IDH3G: variants seen among roughly 807,000 people sequenced by gnomAD.
IDH3G encodes the protein isocitrate dehydrogenase (NAD(+)) 3 non-catalytic subunit gamma, also known as isocitrate dehydrogenase [NAD] subunit gamma, mitochondrial.
Under a neutral mutation model 26.9 loss-of-function variants are expected in IDH3G, and 9 were observed. The observed-to-expected ratio is 0.34, with a 90% confidence interval of 0.20 to 0.58. The LOEUF (loss-of-function observed/expected upper bound fraction) is 0.58, where lower values mean the gene tolerates loss of function less well. Among genes scored for constraint, IDH3G ranks in the 20% least tolerant of loss-of-function variants. The pLI is 0.85. For missense variants in IDH3G, 250 were observed against 372.8 expected, an observed-to-expected ratio of 0.67 and a Z score of 2.71; for synonymous variants, 181 against 160.0, an observed-to-expected ratio of 1.13 and a Z score of -0.99.
chrX:153,786,854 G>T lies in IDH3G; in HGVS notation c.871C>A (p.Pro291Thr). ...NNVCAGLVGG[P>T]GLVAGANYGH... is the part of the protein sequence containing the mutation. ...TAGTTGGCCCCAGCCACAAGGCCTG[G>T]GCCCCCGACCAGTCCCGCGCAGACA... is the stretch of plus-strand genomic sequence containing the variant. Residue 291 changes from proline (P) to threonine (T), a missense_variant, in exon 10 of 13, where the codon CCA (proline) becomes ACA (threonine). Physicochemically the swap from Pro to Thr is conservative, Grantham distance 38. Transcript: ENST00000217901. 4 of 1,210,749 alleles carry T rather than the reference G, an allele frequency of 3.3e-6. No homozygotes were observed. Among genetic ancestry groups the T allele is most frequent in the Non-Finnish European group, 4.5e-6 (4 of 894,703 alleles).
Position 153,794,214 on chromosome X carries a change from T to G in IDH3G, c.81+32A>C, listed in dbSNP as rs1186203675. On this transcript the variant is annotated intron_variant, in intron 1 of 12. Coordinates refer to ENST00000217901, the MANE Select transcript of IDH3G (RefSeq NM_004135.4). Reference sequence around the variant, plus strand: ...TACCCCACCGCTCCCCTGCGACCGCTGCCGCGGTCCCGTGGCTCTTTCCCT... The same window carrying G: ...TACCCCACCGCTCCCCTGCGACCGCGGCCGCGGTCCCGTGGCTCTTTCCCT... 6.0e-6 allele frequency: 7 copies of G among 1,157,809 alleles called. No homozygotes were observed. The African/African-American group carries it at 1.2e-4, about 21-fold the overall frequency.
In IDH3G at chrX:153,790,149, A is replaced by C. The variant is rs782032216; in HGVS notation, c.233+46T>G. The C allele has an allele frequency of 4.7e-6, 5 of 1,067,226 alleles. No homozygotes were observed. In the East Asian group the frequency reaches 1.5e-4, roughly 32 times the overall value. 88.0% of individuals were successfully genotyped at this position (1,067,226 alleles called of 1,213,427 possible). A position where few individuals can be genotyped will look rare whatever the true frequency, so the allele number is the denominator to read the frequency against. ...ATGCCCCTCTTGGCACAAAGTCCTC[A>C]GGGCCCCCTGGCTGAGGACAAGGCG... On this transcript the variant is annotated intron_variant, in intron 4 of 12. Transcript: ENST00000217901.
In IDH3G at chrX:153,786,265, A is replaced by T. The variant is rs781793109; in HGVS notation, c.1027T>A (p.Ser343Thr). The T allele has an allele frequency of 1.7e-6, 2 of 1,204,492 alleles. No homozygotes were observed. Among genetic ancestry groups the T allele is most frequent in the South Asian group, 1.8e-5 (1 of 56,056 alleles). ...CMMLDHLKLH[S>T]YATSIRKAVL... ...GCCTTACGGATGGAGGTGGCATAGG[A>T]GTGCAGCCTAGAGGATGGGACAGCC... The change falls in exon 12 of 13, where the codon TCC becomes ACC. Residue 343 changes from serine to threonine, a missense_variant. By Grantham distance (58) the Ser-to-Thr change is moderately conservative. Around this residue, in one of 2 missense-constraint regions of IDH3G, gnomAD observed 201 missense variants for 331.3 expected, o/e 0.61. Transcript: ENST00000217901.
At chrX:153,789,551 A>G (rs1557069944) in intron 5 of IDH3G, among the ~76,000 whole-genome samples, 161 bp downstream of exon 5, 1 of 113,019 alleles carries the variant, frequency 8.8e-6, no homozygotes, top group Non-Finnish European at 1.9e-5. Flanking sequence ...CTCAGAAAGA[A>G]CGCAAGAAAG....
chrX:153,790,616 GT>G, intron 2 of IDH3G, 41 bp from the exon 3 acceptor site: 1 of 1,193,388 alleles, frequency 8.4e-7, no homozygotes, highest in Non-Finnish European at 1.1e-6. Flanking sequence ...ATCAGCCAAG[GT>G]TCCAAGAGCA....
chrX:153,791,208 T>C (rs1197183906), intron 1 of IDH3G: 2 of 230,256 alleles, frequency 8.7e-6, no homozygotes, highest in Non-Finnish European at 1.6e-5. Flanking sequence ...CTAACCCTGG[T>C]ACAGCAGGGA....
chrX:153,787,760 T>C (rs2092094873), intron 7 of IDH3G, 63 bp downstream of exon 7: 17 of 1,160,778 alleles, frequency 1.5e-5, no homozygotes, highest in Non-Finnish European at 1.9e-5. Context: ...CTGTCCCTGG[T>C]TCCTTAAGCT....
At chrX:153,793,537 G>A (rs1367158802) in intron 1 of IDH3G, 1 of 112,204 alleles carries the variant, frequency 8.9e-6, no homozygotes, top group Non-Finnish European at 1.9e-5. Context: ...GCTCAGTGTG[G>A]GAGCATGGCC....
rs782274797 is a variant in IDH3G at position 153,785,904 on chromosome X, G to A, written c.1150C>T (p.Arg384Cys). Reference protein sequence around the residue: ...EAIQDVIRHIRVINGRAVEA With the variant: ...EAIQDVIRHICVINGRAVEA ...TCCACGGCCCGGCCGTTGATGACGC[G>A]GATGTGGCGGATGACGTCCTGGATG... is the stretch of plus-strand genomic sequence containing the variant. The change falls in exon 13 of 13, where the codon CGC (arginine) becomes TGC (cysteine). Residue 384 changes from arginine (R) to cysteine (C), a missense_variant. Coordinates refer to ENST00000217901, the MANE Select transcript of IDH3G (RefSeq NM_004135.4). The A allele has an allele frequency of 9.9e-6, 12 of 1,209,926 alleles. No individual in the cohort carries two copies. Among genetic ancestry groups the A allele is most frequent in the South Asian group, 3.5e-5 (2 of 56,915 alleles).
At chrX:153,793,638 C>T (rs1220246729) in intron 1 of IDH3G, 2 of 112,061 alleles carry the variant, frequency 1.8e-5, no homozygotes, top group African/African-American at 3.3e-5. Flanking sequence ...AAATTAACCT[C>T]TTCTTAAATA....
chrX:153,790,543 C>G (rs782203483), intron 3 of IDH3G, 21 bp downstream of exon 3: 2 of 1,199,818 alleles, frequency 1.7e-6, no homozygotes, highest in East Asian at 3.0e-5. Context: ...CCAAACCTAA[C>G]AGGCAGAGAA....
At chrX:153,788,904 G>C (rs2092098990) in intron 5 of IDH3G, among the ~76,000 whole-genome samples, 1 of 112,860 alleles carries the variant, frequency 8.9e-6, no homozygotes, top group Non-Finnish European at 1.9e-5. Context: ...ATCCCTGCCT[G>C]GGCTGTGCCA....
At position 153,786,435 on chromosome X, in the gene IDH3G, G is replaced by A. The variant is rs373358098; in HGVS notation, c.939C>T (p.Thr313=). The change falls in exon 11 of 13, where the codon ACC becomes ACT. Residue 313 remains threonine (T), a synonymous_variant. Coordinates refer to ENST00000217901, the MANE Select transcript of IDH3G (RefSeq NM_004135.4). The part of the protein sequence containing the change: ...YAVFETATRN[T]GKSIANKNIA... ...TGTTCTTATTGGCGATACTCTTGCC[G>A]GTGTTCCTCGTAGCCTGGGGAGGCA... 19 of 1,187,036 alleles carry A rather than the reference G, an allele frequency of 1.6e-5. No individual in the cohort carries two copies. The highest frequency in any genetic ancestry group is 1.4e-4 in the Admixed American group (6 of 42,338).
intron 1 of IDH3G, chrX:153,793,554 T>C (rs1287208637): frequency 1.8e-5 from 2 of 111,401 alleles, no homozygotes; most frequent in African/African-American, 6.5e-5. Context: ...GGCCTAGAGG[T>C]CAAACCTCTT....
At position 153,794,238 on chromosome X, in the gene IDH3G, C is replaced by G. The variant is rs782220175; in HGVS notation, c.81+8G>C. On this transcript the variant is annotated splice_region_variant and intron_variant, in intron 1 of 12. Transcript: ENST00000217901. Reference sequence around the variant, plus strand: ...CTGCCGCGGTCCCGTGGCTCTTTCCCTGCTCACCTCCCAGGGACGGCAGAG... The same window carrying G: ...CTGCCGCGGTCCCGTGGCTCTTTCCGTGCTCACCTCCCAGGGACGGCAGAG... 3 of 1,184,495 alleles carry G rather than the reference C, an allele frequency of 2.5e-6. No homozygotes were observed. The highest frequency in any genetic ancestry group is 3.4e-6 in the Non-Finnish European group (3 of 881,547).
Position 153,786,451 on chromosome X carries a change from TG to T in IDH3G, c.925-3del. The T allele has an allele frequency of 1.7e-6, 2 of 1,170,123 alleles. No homozygotes were observed. The highest frequency in any genetic ancestry group is 2.3e-6 in the Non-Finnish European group (2 of 869,336). Reference sequence around the variant, plus strand: ...ACTCTTGCCGGTGTTCCTCGTAGCCTGGGGAGGCAAGACGAAGGAGAGTGGG... The same window carrying T: ...ACTCTTGCCGGTGTTCCTCGTAGCCTGGGAGGCAAGACGAAGGAGAGTGGG... On this transcript the variant is annotated splice_region_variant and splice_polypyrimidine_tract_variant and intron_variant, in intron 10 of 12. Transcript: ENST00000217901.
chrX:153,790,962 G>T, intron 1 of IDH3G, 111 bp from the exon 2 acceptor site: 1 of 662,701 alleles, frequency 1.5e-6, no homozygotes, highest in Non-Finnish European at 2.4e-6. Flanking sequence ...TGTCTGTGCA[G>T]CATGGCCCAC....
Position 153,790,867 on chromosome X carries a change from T to C in IDH3G, c.82-16A>G. The C allele has an allele frequency of 8.3e-7, 1 of 1,208,077 alleles. No individual in the cohort carries two copies. On this transcript the variant is annotated splice_polypyrimidine_tract_variant and intron_variant, in intron 1 of 12. Transcript: ENST00000217901. Reference sequence around the variant, plus strand: ...CGCCTAGAACCTGGCAGAGACCAAATGCCAGCGGTTGGTTTGATGTCTAAC... The same window carrying C: ...CGCCTAGAACCTGGCAGAGACCAAACGCCAGCGGTTGGTTTGATGTCTAAC...
chrX:153,792,234 C>T (rs979372969), intron 1 of IDH3G: 1 of 111,682 alleles, frequency 9.0e-6, no homozygotes, highest in Admixed American at 9.5e-5. Context: ...CACCCTAGGA[C>T]CCAGCACAGT....
Sources: allele counts gnomAD v4.1 joint callset (sites outside exome capture counted in the v4.1 genomes callset), GRCh38; gene constraint gnomAD v4.1.1; regional missense constraint gnomAD v4.1.1; transcripts MANE v1.5; gene names NCBI Gene and HGNC (gene_info 2026-07-23, HGNC 2026-07-21).